Variants in PTPRD observed in about 807,000 individuals in gnomAD.
PTPRD encodes the protein protein tyrosine phosphatase receptor type D, also known as receptor-type tyrosine-protein phosphatase delta.
In PTPRD, 34 loss-of-function variants were observed where a neutral mutation model predicts 214.5. The ratio of observed to expected loss-of-function variants is 0.16; its 90% CI spans 0.12 to 0.21. The LOEUF (loss-of-function observed/expected upper bound fraction) is 0.21. PTPRD is among the 10% of genes least tolerant of loss of function. The pLI is 1.00. For synonymous variants in PTPRD, 1,128 were observed against 845.7 expected, an observed-to-expected ratio of 1.33 and a Z score of -5.79; for missense variants, 2,545 against 2,398.7, an observed-to-expected ratio of 1.06 and a Z score of -1.27.
chr9:8,640,104 T>C (rs2096540274), intron 12 of PTPRD, among the ~76,000 whole-genome samples: 1 of 152,112 alleles, frequency 6.6e-6, no homozygotes, highest in Non-Finnish European at 1.5e-5. Context: ...GTAATGTTTT[T>C]ATTATTTGTA....
intron 9 of PTPRD, among the ~76,000 whole-genome samples, chr9:9,200,502 T>C (rs1481196673): frequency 6.6e-6 from 1 of 152,222 alleles, no homozygotes; most frequent in Non-Finnish European, 1.5e-5. Context: ...TTTACACATG[T>C]AATCTTATTT....
intron 11 of PTPRD, among the ~76,000 whole-genome samples, chr9:9,016,260 C>G (rs747288169): frequency 2.0e-5 from 3 of 152,038 alleles, no homozygotes; most frequent in African/African-American, 7.2e-5. Flanking sequence ...GACAATTTTC[C>G]CCCAAATAGT....
chr9:8,495,531 G>A (rs942800299), intron 26 of PTPRD, among the ~76,000 whole-genome samples: 1 of 152,132 alleles, frequency 6.6e-6, no homozygotes, highest in African/African-American at 2.4e-5. Flanking sequence ...GACCCATTTA[G>A]TAGGTTGTGA....
rs1417351237 is a variant in PTPRD, at chr9:9,766,828, C to G, written c.-344G>C. 3.3e-5 allele frequency: 5 copies of G among 152,410 alleles called. No individual in the cohort carries two copies. Among genetic ancestry groups the G allele is most frequent in the Non-Finnish European group, 5.9e-5 (4 of 67,948 alleles). 9.4% of individuals were successfully genotyped at this position (152,410 alleles called of 1,614,324 possible). Reference sequence around the variant, plus strand: ...TACTCACCTTTGTCCAAGGCACATTCTGCTGTGGTCTCAGGACAGAAACCT... The same window carrying G: ...TACTCACCTTTGTCCAAGGCACATTGTGCTGTGGTCTCAGGACAGAAACCT... On this transcript the variant is annotated 5_prime_UTR_variant, in exon 6 of 46. Coordinates refer to ENST00000381196, the MANE Select transcript of PTPRD (RefSeq NM_002839.4).
At chr9:9,665,761 G>C (rs900144795) in intron 7 of PTPRD, among the ~76,000 whole-genome samples, 1 of 151,854 alleles carries the variant, frequency 6.6e-6, no homozygotes, top group Admixed American at 6.6e-5. Flanking sequence ...TCTTCAAAAT[G>C]AGATTGATGT....
intron 31 of PTPRD, among the ~76,000 whole-genome samples, chr9:8,466,515 G>A (rs183830184): frequency 6.6e-6 from 1 of 151,870 alleles, no homozygotes; most frequent in Admixed American, 6.6e-5. Flanking sequence ...CCTTCATTAC[G>A]AGAAAATCAT....
chr9:9,211,166 C>G (rs1473215852), intron 9 of PTPRD, among the ~76,000 whole-genome samples: 1 of 151,894 alleles, frequency 6.6e-6, no homozygotes, highest in Non-Finnish European at 1.5e-5. Flanking sequence ...ACAGACCCAT[C>G]TATGTCTCTT....
chr9:10,496,964 G>A (rs2042242925), intron 2 of PTPRD, among the ~76,000 whole-genome samples: 1 of 151,976 alleles, frequency 6.6e-6, no homozygotes, highest in Non-Finnish European at 1.5e-5. Flanking sequence ...ATACTACACA[G>A]CCATAAAAAA....
At chr9:10,381,303 T>G (rs561533505) in intron 2 of PTPRD, among the ~76,000 whole-genome samples, 28 of 152,046 alleles carry the variant, frequency 1.8e-4, no homozygotes, top group Non-Finnish European at 3.8e-4. Context: ...TTTAGTTGCC[T>G]AGGAAACATA....
intron 12 of PTPRD, among the ~76,000 whole-genome samples, chr9:8,688,212 T>C (rs1289447506): frequency 1.3e-5 from 2 of 152,198 alleles, no homozygotes; most frequent in Non-Finnish European, 2.9e-5. Flanking sequence ...CTTATCCCAT[T>C]ATTCTTTCAG....
chr9:9,534,601 A>G (rs2076148794), intron 8 of PTPRD, among the ~76,000 whole-genome samples: 1 of 152,112 alleles, frequency 6.6e-6, no homozygotes, highest in South Asian at 2.1e-4. Flanking sequence ...ATTGTAAGAC[A>G]CCACGTTTTA....
At chr9:10,012,671 G>A (rs185845279) in intron 4 of PTPRD, among the ~76,000 whole-genome samples, 1 of 151,896 alleles carries the variant, frequency 6.6e-6, no homozygotes, top group Non-Finnish European at 1.5e-5. Flanking sequence ...TAATTCCTCA[G>A]TGTAAGGTTT....
At chr9:9,827,389 A>C (rs1044269596) in intron 5 of PTPRD, among the ~76,000 whole-genome samples, 5 of 152,174 alleles carry the variant, frequency 3.3e-5, no homozygotes, top group Middle Eastern at 3.2e-3. Flanking sequence ...CAAACCTGAC[A>C]AAAACAAGCA....
intron 2 of PTPRD, among the ~76,000 whole-genome samples, chr9:10,410,565 A>G (rs1430041826): frequency 6.6e-6 from 1 of 151,576 alleles, no homozygotes; most frequent in East Asian, 2.0e-4. Context: ...AATAAAAATT[A>G]TAAGACCATT....
intron 11 of PTPRD, among the ~76,000 whole-genome samples, chr9:8,866,588 G>A (rs898654760): frequency 3.9e-5 from 6 of 151,962 alleles, no homozygotes; most frequent in Admixed American, 6.6e-5. Flanking sequence ...ACCAGCATTC[G>A]ACATCTACCA....
At chr9:10,591,496 T>TA (rs2132909090) in intron 2 of PTPRD, among the ~76,000 whole-genome samples, 1 of 152,160 alleles carries the variant, frequency 6.6e-6, no homozygotes, top group East Asian at 1.9e-4. Context: ...AGTTGTCATC[T>TA]AATGCTGCAG....
intron 35 of PTPRD, among the ~76,000 whole-genome samples, chr9:8,426,793 T>G (rs568446114): frequency 7.0e-6 from 1 of 142,856 alleles, no homozygotes; most frequent in Non-Finnish European, 1.5e-5. Flanking sequence ...AGAAAATGTC[T>G]GAGGTTTTTT....
intron 14 of PTPRD, among the ~76,000 whole-genome samples, chr9:8,532,944 C>T (rs1434302904): frequency 2.0e-5 from 3 of 151,964 alleles, no homozygotes; most frequent in African/African-American, 4.8e-5. Context: ...AGTTAACTTC[C>T]CATTGTGGTA....
intron 3 of PTPRD, among the ~76,000 whole-genome samples, chr9:10,148,121 A>G (rs2099036419): frequency 6.6e-6 from 1 of 152,264 alleles, no homozygotes; most frequent in Middle Eastern, 3.4e-3. Context: ...GGGAATCTAC[A>G]TGGCTATGAG....
Sources: allele counts gnomAD v4.1 joint callset (sites outside exome capture counted in the v4.1 genomes callset), GRCh38; gene constraint gnomAD v4.1.1; transcripts MANE v1.5; gene names NCBI Gene and HGNC (gene_info 2026-07-23, HGNC 2026-07-21).